Variants in BACE1 observed in about 807,000 individuals in gnomAD.
The protein encoded by BACE1 is beta-secretase 1.
BACE1 carries 21 observed loss-of-function variants against 54.0 expected under a neutral mutation model. That is an observed-to-expected ratio of 0.39 (90% confidence interval 0.28 to 0.56). The LOEUF (loss-of-function observed/expected upper bound fraction) is 0.56. Ranked by LOEUF, BACE1 falls within the 20% of genes least tolerant of loss-of-function variation. The pLI is 0.63. For synonymous variants in BACE1, 232 were observed against 260.9 expected (o/e 0.89, Z 1.07); for missense variants, 511 against 661.2 (o/e 0.77, Z 2.49).
chr11:117,307,059 T>G (rs781045308), intron 1 of BACE1, among the ~76,000 whole-genome samples: 10 of 152,118 alleles, frequency 6.6e-5, no homozygotes, highest in Non-Finnish European at 1.3e-4. Flanking sequence ...GATTTCCTCA[T>G]TCTCCCCAGC....
chr11:117,315,472 C>A lies in BACE1; in HGVS notation c.261+63G>T. On this transcript the variant is annotated intron_variant, in intron 1 of 8. Coordinates refer to ENST00000313005, the MANE Select transcript of BACE1 (RefSeq NM_012104.6). This position sits in a 1 kb window ranked among gnomAD's most constrained non-coding sequence, Gnocchi z 5.5. The stretch of plus-strand genomic sequence containing the variant: ...TTGAGCAGGGGCTAGCTTGAGGCAT[C>A]CCCATCCTGTCTCCCCTCTGCTCAT... 2 of 1,542,818 alleles carry A rather than the reference C, an allele frequency of 1.3e-6. No homozygotes were observed. The highest frequency in any genetic ancestry group is 8.7e-7 in the Non-Finnish European group (1 of 1,151,654).
chr11:117,295,429 C>T (rs1229061975), intron 2 of BACE1, 82 bp from the exon 3 acceptor site: 2 of 1,555,648 alleles, frequency 1.3e-6, no homozygotes, highest in Non-Finnish European at 1.7e-6. Flanking sequence ...CCAAACACCA[C>T]CTTATCTCAT....
chr11:117,298,281 G>A (rs1030395701), intron 1 of BACE1, among the ~76,000 whole-genome samples: 3 of 151,758 alleles, frequency 2.0e-5, no homozygotes, highest in Non-Finnish European at 4.4e-5. Flanking sequence ...CGGCCTGGAC[G>A]AGAGCAACAC....
In BACE1 at chr11:117,288,679, T is replaced by C. The variant is rs1445439840; in HGVS notation, c.*887A>G. ...CTATCATATGTAGAATAAAGGGTGG[T>C]TCAGATAGAGACAATGAAATTAATA... On this transcript the variant is annotated 3_prime_UTR_variant, in exon 9 of 9. Transcript: ENST00000313005. The C allele has an allele frequency of 6.6e-6, 1 of 152,526 alleles. No homozygotes were observed. Among genetic ancestry groups the C allele is most frequent in the Admixed American group, 6.5e-5 (1 of 15,276 alleles). 9.4% of individuals were successfully genotyped at this position (152,526 alleles called of 1,614,324 possible). A position where few individuals can be genotyped will look rare whatever the true frequency, so the allele number is the denominator to read the frequency against.
chr11:117,299,502 A>C, intron 1 of BACE1: 1 of 275,454 alleles, frequency 3.6e-6, no homozygotes, highest in Non-Finnish European at 7.1e-6. Context: ...GCCCTCCCCC[A>C]GTGCCTGCTT....
Position 117,290,637 on chromosome 11 carries a change from T to A in BACE1, c.1115A>T (p.Asp372Val), listed in dbSNP as rs778686608. 1 of 1,614,188 alleles carries A rather than the reference T, an allele frequency of 6.2e-7. No individual in the cohort carries two copies. Among genetic ancestry groups the A allele is most frequent in the Non-Finnish European group, 8.5e-7 (1 of 1,180,028 alleles). Reference protein sequence around the residue: ...LPQQYLRPVEDVATSQDDCYK... With the variant: ...LPQQYLRPVEVVATSQDDCYK... ...ACAGTCGTCTTGGGACGTGGCCACA[T>A]CTTCCACTGGCCGCAGGTATTGCTA... The change falls in exon 8 of 9, where the codon GAT becomes GTT. Residue 372 changes from aspartate to valine, a missense_variant. This residue lies in a region of BACE1 where 407 missense variants were observed against 565.7 expected (regional missense o/e 0.72). Transcript: ENST00000313005.
chr11:117,308,047 G>A (rs1447105491), intron 1 of BACE1, among the ~76,000 whole-genome samples: 1 of 151,912 alleles, frequency 6.6e-6, no homozygotes, highest in African/African-American at 2.4e-5. Flanking sequence ...CAGGAGATTT[G>A]GGGCGGGGGG....
intron 1 of BACE1, among the ~76,000 whole-genome samples, chr11:117,300,198 C>T (rs1275767164): frequency 2.0e-5 from 3 of 152,052 alleles, no homozygotes; most frequent in Non-Finnish European, 4.4e-5. Context: ...CCCCTCCACT[C>T]CCATCCCTCT....
chr11:117,292,262 C>G (rs1204865055), intron 5 of BACE1: 9 of 135,588 alleles, frequency 6.6e-5, no homozygotes, highest in African/African-American at 2.5e-4. Context: ...GTGATCTCGG[C>G]TCACTCTAAC....
intron 1 of BACE1, among the ~76,000 whole-genome samples, chr11:117,306,401 A>C (rs2034833821): frequency 6.6e-6 from 1 of 152,104 alleles, no homozygotes; most frequent in South Asian, 2.1e-4. Flanking sequence ...AATGAAGCTG[A>C]CCATGGCACC....
At position 117,286,800 on chromosome 11, in the gene BACE1, G is replaced by A. The variant is rs545411014; in HGVS notation, c.*2766C>T. On this transcript the variant is annotated 3_prime_UTR_variant, in exon 9 of 9. Transcript: ENST00000313005. ...GTGATTGGAGTGGCCTGAGTACTCA[G>A]CTCTTCAGAGGTCAGGTGACCCACT... is the stretch of plus-strand genomic sequence containing the variant. 6.5e-6 allele frequency: 1 copy of A among 152,748 alleles called. No homozygotes were observed. The highest frequency in any genetic ancestry group is 2.1e-4 in the South Asian group (1 of 4,828). 9.5% of individuals were successfully genotyped at this position (152,748 alleles called of 1,614,324 possible). A position where few individuals can be genotyped will look rare whatever the true frequency, so the allele number is the denominator to read the frequency against.
chr11:117,312,204 C>T (rs2034958721), intron 1 of BACE1, among the ~76,000 whole-genome samples: 1 of 152,104 alleles, frequency 6.6e-6, no homozygotes, highest in South Asian at 2.1e-4. Flanking sequence ...CATAACTCAT[C>T]CTCTCATTCA....
In BACE1 at chr11:117,311,424, AG is replaced by A. The variant is rs199937712; in HGVS notation, c.261+4110del. Among the ~76,000 whole-genome samples the A allele has an allele frequency of 8.8e-3, 1,337 of 152,232 alleles. 7 individuals carry two copies. The highest frequency in any genetic ancestry group is 0.013 in the Non-Finnish European group (897 of 68,000). Reference sequence around the variant, plus strand: ...GTCTTGTTATCCTCCAGTTCACCCCAGATCAGAATCTCAAAACCATCTTTGA... The same window carrying A: ...GTCTTGTTATCCTCCAGTTCACCCCAATCAGAATCTCAAAACCATCTTTGA... On this transcript the variant is annotated intron_variant, in intron 1 of 8. Transcript: ENST00000313005.
In BACE1 at chr11:117,291,095, C is replaced by A. The variant is rs572987554; in HGVS notation, c.943-46G>T. The A allele has an allele frequency of 1.4e-5, 23 of 1,598,726 alleles. No homozygotes were observed. The South Asian group carries it at 2.6e-4, about 18-fold the overall frequency. ...TAACAATGAGGAAAAGCCTCTTTAT[C>A]ATCTCGCCCCTCCCATGTTCAGATA... On this transcript the variant is annotated intron_variant, in intron 6 of 8. Coordinates refer to ENST00000313005, the MANE Select transcript of BACE1 (RefSeq NM_012104.6).
chr11:117,295,993 T>C (rs908174974), intron 2 of BACE1, among the ~76,000 whole-genome samples: 2 of 152,200 alleles, frequency 1.3e-5, no homozygotes, highest in Non-Finnish European at 2.9e-5. Flanking sequence ...TGAATGCCCT[T>C]TCATCGATCC....
chr11:117,299,796 T>TC, intron 1 of BACE1: 1 of 279,314 alleles, frequency 3.6e-6, no homozygotes, highest in African/African-American at 2.4e-5. Context: ...ACCCACCCTC[T>TC]CCCCACGAAC....
chr11:117,291,121 CA>C (rs1565356495), intron 6 of BACE1, 72 bp from the exon 7 acceptor site: 5 of 1,542,534 alleles, frequency 3.2e-6, no homozygotes, highest in Non-Finnish European at 4.4e-6. Context: ...TGTTCAGATA[CA>C]TTAACTGGGC....
Position 117,316,002 on chromosome 11 carries a change from G to C in BACE1, c.-207C>G, listed in dbSNP as rs1444928105. ...GGAGATCCGCAGAGCACGGGAGCAG[G>C]GGAGAGGCTGGGATCCGGAGCCCGC... On this transcript the variant is annotated 5_prime_UTR_variant, in exon 1 of 9. Transcript: ENST00000313005. The C allele has an allele frequency of 2.3e-6, 1 of 438,316 alleles. No individual in the cohort carries two copies. The highest frequency in any genetic ancestry group is 3.8e-6 in the Non-Finnish European group (1 of 261,040). 27.2% of individuals were successfully genotyped at this position (438,316 alleles called of 1,614,324 possible).
chr11:117,299,722 T>C (rs2034680336), intron 1 of BACE1: 1 of 381,896 alleles, frequency 2.6e-6, no homozygotes, highest in Non-Finnish European at 5.2e-6. Flanking sequence ...AGAAAATCAA[T>C]AGAGCTGGGA....
Sources: gnomAD v4.1 joint callset for allele counts (sites outside exome capture counted in the v4.1 genomes callset) on GRCh38, gnomAD v4.1.1 for gene constraint, gnomAD v4.1.1 regional missense constraint, Gnocchi (gnomAD v3.1) non-coding constraint, MANE v1.5 for transcripts, NCBI Gene and HGNC (gene_info 2026-07-23, HGNC 2026-07-21) for gene names.